Variants in SPATS2 observed in about 807,000 individuals in gnomAD.
SPATS2 encodes the protein spermatogenesis-associated serine-rich protein 2.
Under a neutral mutation model 63.7 loss-of-function variants are expected in SPATS2, and 38 were observed. That is an observed-to-expected ratio of 0.60 (90% CI 0.46 to 0.78). SPATS2 has a LOEUF of 0.78. Ranked by LOEUF, SPATS2 falls within the 30% of genes least tolerant of loss-of-function variation. The pLI is 0.00. For missense variants in SPATS2, 588 were observed against 666.2 expected (o/e 0.88, Z 1.29); for synonymous variants, 207 against 232.9 (o/e 0.89, Z 1.01).
intron 2 of SPATS2, among the ~76,000 whole-genome samples, chr12:49,381,198 G>T (rs770497042): frequency 1.4e-4 from 22 of 152,142 alleles, no homozygotes; most frequent in Non-Finnish European, 2.5e-4. Flanking sequence ...TCTTCTTGGA[G>T]AAATGTCTAT....
chr12:49,498,141 A>ATATATATATATATATAT (rs1555191148), intron 8 of SPATS2, among the ~76,000 whole-genome samples: 2 of 74,356 alleles, frequency 2.7e-5, no homozygotes, highest in African/African-American at 1.6e-4. Context: ...CCAAAAAAAA[A>ATATATATATATATATAT]AAAAATATAT....
rs114813519 is a variant in SPATS2, at chr12:49,460,173, T to C, written c.-243-597T>C. ...GAAGAGAATAGACCCTTGATTTGGA[T>C]GGGAAGATCAAATGGCTCATGCCTG... On this transcript the variant is annotated intron_variant, in intron 2 of 13. Transcript: ENST00000552918. 1.3e-3 allele frequency among the ~76,000 whole-genome samples: 194 copies of C among 151,822 alleles called. 1 individual carries two copies. The highest frequency in any genetic ancestry group is 4.2e-3 in the African/African-American group (175 of 41,378).
At chr12:49,400,167 C>G (rs1944581494) in intron 2 of SPATS2, among the ~76,000 whole-genome samples, 1 of 152,010 alleles carries the variant, frequency 6.6e-6, no homozygotes, top group Non-Finnish European at 1.5e-5. Flanking sequence ...TAAGAATATA[C>G]ATGGTATACT....
chr12:49,465,374 T>A lies in SPATS2; in HGVS notation c.25+4337T>A, dbSNP rs1477812224. Among the ~76,000 whole-genome samples the A allele has an allele frequency of 4.6e-5, 7 of 152,174 alleles. No homozygotes were observed. The South Asian group carries it at 6.2e-4, about 14-fold the overall frequency. On this transcript the variant is annotated intron_variant, in intron 3 of 13. Coordinates refer to ENST00000552918, the MANE Select transcript of SPATS2 (RefSeq NM_023071.4). ...CACTCGGTATGGTCAGTCTTTTTTTTTTATTATTATAGCTATCTTAATAGA... is the reference window on the plus strand; with the variant it reads ...CACTCGGTATGGTCAGTCTTTTTTTATTATTATTATAGCTATCTTAATAGA...
At chr12:49,442,785 T>TAAAAAAAAAAA (rs1945442679) in intron 2 of SPATS2, 1 of 62,914 alleles carries the variant, frequency 1.6e-5, no homozygotes, top group African/African-American at 4.2e-5. Flanking sequence ...CCATGTCTCC[T>TAAAAAAAAAAA]TAAAAAAAAA....
At chr12:49,387,893 G>A (rs1169850269) in intron 2 of SPATS2, among the ~76,000 whole-genome samples, 1 of 152,080 alleles carries the variant, frequency 6.6e-6, no homozygotes, top group East Asian at 1.9e-4. Flanking sequence ...GTTCTCTTTT[G>A]ATGAATCCTG....
chr12:49,459,653 G>A (rs1296140306), intron 2 of SPATS2, among the ~76,000 whole-genome samples: 4 of 146,402 alleles, frequency 2.7e-5, no homozygotes, highest in Admixed American at 6.9e-5. Flanking sequence ...TGGCTAGACC[G>A]TTATTAAAAA....
At chr12:49,477,660 TA>T (rs915154222) in intron 3 of SPATS2, among the ~76,000 whole-genome samples, 1 of 152,134 alleles carries the variant, frequency 6.6e-6, no homozygotes, top group Admixed American at 6.5e-5. Flanking sequence ...TAAATATATA[TA>T]AAAGTGTTAG....
chr12:49,380,364 G>T (rs938780575), intron 2 of SPATS2, among the ~76,000 whole-genome samples: 2 of 151,888 alleles, frequency 1.3e-5, no homozygotes, highest in Admixed American at 1.3e-4. Flanking sequence ...CTAGTCCGTT[G>T]TTCAGATATA....
intron 2 of SPATS2, among the ~76,000 whole-genome samples, chr12:49,380,078 TA>T (rs1944187218): frequency 6.6e-6 from 1 of 152,178 alleles, no homozygotes; most frequent in African/African-American, 2.4e-5. Flanking sequence ...AATCACACAA[TA>T]TATGACCTTT....
At chr12:49,506,693 C>T (rs1193892358) in intron 9 of SPATS2, among the ~76,000 whole-genome samples, 1 of 151,996 alleles carries the variant, frequency 6.6e-6, no homozygotes, top group African/African-American at 2.4e-5. Flanking sequence ...CAGAAAGTAA[C>T]AAAATTAACT....
rs1240227693 is a variant in SPATS2 at position 49,371,248 on chromosome 12, A to G, written c.-286A>G. 9.2e-5 allele frequency: 14 copies of G among 152,032 alleles called. No homozygotes were observed. The highest frequency in any genetic ancestry group is 9.2e-4 in the Admixed American group (14 of 15,262). 9.4% of individuals were successfully genotyped at this position (152,032 alleles called of 1,614,324 possible). A position where few individuals can be genotyped will look rare whatever the true frequency, so the allele number is the denominator to read the frequency against. ...CCCAGCTGCTGGCTACCAATATTCTACTTTCTGTCTCTATGAATGTGACTA... is the reference window on the plus strand; with the variant it reads ...CCCAGCTGCTGGCTACCAATATTCTGCTTTCTGTCTCTATGAATGTGACTA... On this transcript the variant is annotated 5_prime_UTR_variant, in exon 2 of 14. Transcript: ENST00000552918.
At chr12:49,482,284 G>A (rs2137820544) in intron 3 of SPATS2, among the ~76,000 whole-genome samples, 1 of 152,260 alleles carries the variant, frequency 6.6e-6, no homozygotes, top group South Asian at 2.1e-4. Context: ...TTTGGCCACT[G>A]GGCAGCATTG....
At chr12:49,387,471 T>C (rs1944336536) in intron 2 of SPATS2, among the ~76,000 whole-genome samples, 1 of 151,570 alleles carries the variant, frequency 6.6e-6, no homozygotes, top group African/African-American at 2.4e-5. Flanking sequence ...AACCCATCTC[T>C]ACTAAAAATA....
chr12:49,382,835 G>T (rs1358838774), intron 2 of SPATS2, among the ~76,000 whole-genome samples: 1 of 152,038 alleles, frequency 6.6e-6, no homozygotes, highest in Non-Finnish European at 1.5e-5. Flanking sequence ...CTCCTGAGTA[G>T]CTAGGATTAC....
chr12:49,432,810 T>C (rs933109873), intron 2 of SPATS2, among the ~76,000 whole-genome samples: 2 of 152,224 alleles, frequency 1.3e-5, no homozygotes, highest in Non-Finnish European at 1.5e-5. Flanking sequence ...CCACATTTTA[T>C]CTATTCATCC....
intron 2 of SPATS2, among the ~76,000 whole-genome samples, chr12:49,456,287 C>A (rs1207662723): frequency 6.6e-6 from 1 of 152,066 alleles, no homozygotes; most frequent in Non-Finnish European, 1.5e-5. Context: ...TGAAAAAAGA[C>A]CTGAAGGAGA....
intron 3 of SPATS2, chr12:49,462,249 A>T (rs1235505612): frequency 2.9e-6 from 2 of 701,714 alleles, no homozygotes; most frequent in Admixed American, 4.0e-5. Context: ...TCCTTTACTC[A>T]GCCTGCCTCT....
At chr12:49,388,637 A>G (rs1944363110) in intron 2 of SPATS2, among the ~76,000 whole-genome samples, 1 of 151,216 alleles carries the variant, frequency 6.6e-6, no homozygotes. Context: ...CAGCCTCCCA[A>G]AGTGTTGGGA....
Sources: gnomAD v4.1 joint callset for allele counts (sites outside exome capture counted in the v4.1 genomes callset) on GRCh38, gnomAD v4.1.1 for gene constraint, MANE v1.5 for transcripts, NCBI Gene and HGNC (gene_info 2026-07-23, HGNC 2026-07-21) for gene names.